The following SEMA6D variants were observed in gnomAD, a reference collection of about 807,000 sequenced individuals.
SEMA6D encodes the protein semaphorin-6D.
Under a neutral mutation model 106.6 loss-of-function variants are expected in SEMA6D, and 35 were observed. The ratio of observed to expected loss-of-function variants is 0.33; its 90% CI spans 0.25 to 0.44. SEMA6D has a LOEUF of 0.44. Ranked by LOEUF, SEMA6D falls within the 20% of genes least tolerant of loss-of-function variation. The pLI is 1.00. For missense variants in SEMA6D, 1,185 were observed against 1,345.9 expected, an observed-to-expected ratio of 0.88 and a Z score of 1.87; for synonymous variants, 499 against 487.7, an observed-to-expected ratio of 1.02 and a Z score of -0.31.
intron 2 of SEMA6D, among the ~76,000 whole-genome samples, chr15:47,445,417 A>T (rs1168502091): frequency 6.6e-6 from 1 of 152,088 alleles, no homozygotes; most frequent in African/African-American, 2.4e-5. Flanking sequence ...TGTGGAAAAT[A>T]GGGAAGAGAG....
chr15:47,499,522 A>G (rs1596162084), intron 3 of SEMA6D, among the ~76,000 whole-genome samples: 1 of 152,316 alleles, frequency 6.6e-6, no homozygotes, highest in East Asian at 1.9e-4. Context: ...ATGTCATGAT[A>G]TTTTGTATTT....
chr15:47,398,194 C>G (rs1276572968), intron 1 of SEMA6D, among the ~76,000 whole-genome samples: 1 of 152,222 alleles, frequency 6.6e-6, no homozygotes, highest in South Asian at 2.1e-4. Flanking sequence ...GAAGTGTTCT[C>G]TTTGTTCTCA....
intron 2 of SEMA6D, among the ~76,000 whole-genome samples, chr15:47,436,682 G>A (rs891497501): frequency 1.3e-5 from 2 of 150,202 alleles, no homozygotes; most frequent in African/African-American, 4.9e-5. Flanking sequence ...TGTAATCCAA[G>A]CACTTTGGGA....
At chr15:47,421,312 G>A (rs985360418) in intron 2 of SEMA6D, among the ~76,000 whole-genome samples, 1 of 152,084 alleles carries the variant, frequency 6.6e-6, no homozygotes, top group Non-Finnish European at 1.5e-5. Context: ...ACTGGGACTG[G>A]TGTCTGGCTT....
At chr15:47,199,801 T>A (rs1894603315) in intron 1 of SEMA6D, among the ~76,000 whole-genome samples, 1 of 152,194 alleles carries the variant, frequency 6.6e-6, no homozygotes, top group Non-Finnish European at 1.5e-5. Context: ...TATATGTGTG[T>A]GTGTGTGAAC....
At chr15:47,542,329 T>C (rs1177970320) in intron 3 of SEMA6D, among the ~76,000 whole-genome samples, 1 of 152,200 alleles carries the variant, frequency 6.6e-6, no homozygotes, top group Non-Finnish European at 1.5e-5. Context: ...AGAACTTATA[T>C]GCCTTTCTAA....
Position 47,745,779 on chromosome 15 carries a change from C to G in SEMA6D, c.-54-13966C>G, listed in dbSNP as rs549399074. Among the ~76,000 whole-genome samples the G allele has an allele frequency of 2.0e-5, 3 of 152,304 alleles. No individual in the cohort carries two copies. In the East Asian group the frequency reaches 5.8e-4, roughly 29 times the overall value. On this transcript the variant is annotated intron_variant, in intron 1 of 18. Transcript: ENST00000536845. ...ATTATTCTCATTCTTAGTTACAGCT[C>G]CATTTTTAGTCCAGATCTATCAAAT...
intron 3 of SEMA6D, among the ~76,000 whole-genome samples, chr15:47,557,862 A>G (rs958090103): frequency 1.3e-5 from 2 of 152,148 alleles, no homozygotes; most frequent in Non-Finnish European, 2.9e-5. Flanking sequence ...CAGTGAATGC[A>G]AGGTAAGCTG....
chr15:47,667,210 T>C (rs2078045592), intron 4 of SEMA6D, among the ~76,000 whole-genome samples: 2 of 152,232 alleles, frequency 1.3e-5, no homozygotes, highest in Admixed American at 1.3e-4. Context: ...CACCATTAAA[T>C]TCTGGAATGG....
intron 1 of SEMA6D, among the ~76,000 whole-genome samples, chr15:47,287,217 TC>T (rs1250463063): frequency 2.0e-5 from 3 of 152,194 alleles, no homozygotes; most frequent in Non-Finnish European, 2.9e-5. Context: ...ATCATTGAGT[TC>T]CTGTGTACGG....
chr15:47,553,368 T>C (rs944947585), intron 3 of SEMA6D, among the ~76,000 whole-genome samples: 10 of 152,150 alleles, frequency 6.6e-5, no homozygotes, highest in Admixed American at 5.9e-4. Context: ...AATTTAACTA[T>C]ATGGCTGTAA....
chr15:47,747,279 A>G (rs1191270829), intron 1 of SEMA6D, among the ~76,000 whole-genome samples: 1 of 152,196 alleles, frequency 6.6e-6, no homozygotes, highest in Non-Finnish European at 1.5e-5. Flanking sequence ...TGGTCCCCAG[A>G]GCAGTGGTTC....
intron 3 of SEMA6D, among the ~76,000 whole-genome samples, chr15:47,477,766 T>C (rs929944201): frequency 6.6e-6 from 1 of 152,124 alleles, no homozygotes; most frequent in African/African-American, 2.4e-5. Context: ...GTGTACTTCA[T>C]TGGTAAAGCT....
Position 47,417,300 on chromosome 15 carries a change from A to G in SEMA6D, c.-159+4828A>G, listed in dbSNP as rs186594035. 1.7e-4 allele frequency among the ~76,000 whole-genome samples: 26 copies of G among 152,206 alleles called. No homozygotes were observed. The East Asian group carries it at 5.0e-3, about 29-fold the overall frequency. ...GGAGATGAGAAACGTAAATTGTGTA[A>G]TCATATTATGATTTCATCCTCATAT... On this transcript the variant is annotated intron_variant, in intron 2 of 19. Transcript: ENST00000558014.
chr15:47,209,907 A>G (rs954839852), intron 1 of SEMA6D, among the ~76,000 whole-genome samples: 3 of 152,246 alleles, frequency 2.0e-5, no homozygotes, highest in Non-Finnish European at 4.4e-5. Flanking sequence ...AAGCCCTTAA[A>G]GTGGAATGAC....
intron 1 of SEMA6D, among the ~76,000 whole-genome samples, chr15:47,207,925 T>A (rs964383541): frequency 6.7e-6 from 1 of 149,182 alleles, no homozygotes; most frequent in Non-Finnish European, 1.5e-5. Flanking sequence ...GAAATCAACA[T>A]CAGAGGTACC....
chr15:47,456,964 A>G (rs1221428193), intron 2 of SEMA6D, among the ~76,000 whole-genome samples: 1 of 151,990 alleles, frequency 6.6e-6, no homozygotes, highest in Non-Finnish European at 1.5e-5. Flanking sequence ...GGGTGTGAGG[A>G]AACCACCCAC....
intron 2 of SEMA6D, among the ~76,000 whole-genome samples, chr15:47,436,767 A>AG (rs1567078534): frequency 1.1e-5 from 1 of 93,392 alleles, no homozygotes; most frequent in Non-Finnish European, 2.2e-5. Context: ...TTAAAAAAAA[A>AG]AATATATATA....
At position 47,761,048 on chromosome 15, in the gene SEMA6D, T is replaced by C; in HGVS notation, c.282+10T>C. 1 of 1,613,248 alleles carries C rather than the reference T, an allele frequency of 6.2e-7. No individual in the cohort carries two copies. The highest frequency in any genetic ancestry group is 1.1e-5 in the South Asian group (1 of 91,010). Reference sequence around the variant, plus strand: ...AGTAATACCCAACAAGGTGAGCAACTGTAGTTGGCAAATTTATTTACCTTC... The same window carrying C: ...AGTAATACCCAACAAGGTGAGCAACCGTAGTTGGCAAATTTATTTACCTTC... On this transcript the variant is annotated intron_variant, in intron 4 of 18. Coordinates refer to ENST00000536845, the MANE Select transcript of SEMA6D (RefSeq NM_001358351.3).
Sources: allele counts gnomAD v4.1 joint callset (sites outside exome capture counted in the v4.1 genomes callset), GRCh38; gene constraint gnomAD v4.1.1; transcripts MANE v1.5; gene names NCBI Gene and HGNC (gene_info 2026-07-23, HGNC 2026-07-21).